The following ANO3 variants were observed in gnomAD, a reference collection of about 807,000 sequenced individuals.
ANO3 encodes anoctamin-3.
Under a neutral mutation model 144.8 loss-of-function variants are expected in ANO3, and 99 were observed. That is an observed-to-expected ratio of 0.68 (90% confidence interval 0.58 to 0.81). The LOEUF (loss-of-function observed/expected upper bound fraction) is 0.81. Ranked by LOEUF, ANO3 falls within the 30% of genes least tolerant of loss-of-function variation. ANO3 has a pLI of 0.00. For synonymous variants in ANO3, 414 were observed against 392.6 expected, an observed-to-expected ratio of 1.05 and a Z score of -0.64; for missense variants, 905 against 1,202.2, an observed-to-expected ratio of 0.75 and a Z score of 3.66.
At chr11:26,527,775 A>G (rs559186) in intron 7 of ANO3, among the ~76,000 whole-genome samples, 6,772 of 152,200 alleles carry the variant, frequency 0.044, 458 homozygotes, top group African/African-American at 0.15. Flanking sequence ...TTTTTTATTC[A>G]GAAAGCATTT....
At chr11:26,507,644 T>G (rs1260442224) in intron 4 of ANO3, among the ~76,000 whole-genome samples, 1 of 152,208 alleles carries the variant, frequency 6.6e-6, no homozygotes, top group Admixed American at 6.5e-5. Flanking sequence ...CTCTAAGCCT[T>G]AGTGTCTTTA....
rs897100996 is a variant in ANO3, at chr11:26,503,134, G to A, written c.433-4970G>A. ...TTATTTTCAAACTGTTTAAAGATTA[G>A]GTAGATACCTGATGAATGAACTGCA... On this transcript the variant is annotated intron_variant, in intron 4 of 26. Transcript: ENST00000256737. Among the ~76,000 whole-genome samples the A allele has an allele frequency of 3.9e-5, 6 of 152,066 alleles. No homozygotes were observed. The South Asian group carries it at 8.3e-4, about 21-fold the overall frequency.
intron 1 of ANO3, among the ~76,000 whole-genome samples, chr11:26,421,217 T>C (rs1256959556): frequency 6.6e-6 from 1 of 152,060 alleles, no homozygotes; most frequent in Non-Finnish European, 1.5e-5. Context: ...AAATACATAA[T>C]TATTTTTATC....
intron 1 of ANO3, among the ~76,000 whole-genome samples, chr11:26,430,132 A>T (rs1297157181): frequency 6.6e-6 from 1 of 152,144 alleles, no homozygotes; most frequent in East Asian, 1.9e-4. Flanking sequence ...ATGATGATAC[A>T]TAACTGTAAT....
At chr11:26,470,411 C>T (rs1239120211) in intron 4 of ANO3, among the ~76,000 whole-genome samples, 1 of 147,250 alleles carries the variant, frequency 6.8e-6, no homozygotes, top group African/African-American at 2.5e-5. Flanking sequence ...GAGGGAGACC[C>T]TCTCAAAAAA....
At chr11:26,318,227 T>G (rs1854674365) in intron 1 of ANO3, among the ~76,000 whole-genome samples, 1 of 152,186 alleles carries the variant, frequency 6.6e-6, no homozygotes, top group African/African-American at 2.4e-5. Flanking sequence ...CTGCATGTTC[T>G]GCACATGTAC....
At chr11:26,482,636 G>A (rs1860268368) in intron 4 of ANO3, among the ~76,000 whole-genome samples, 1 of 151,940 alleles carries the variant, frequency 6.6e-6, no homozygotes, top group Admixed American at 6.6e-5. Context: ...TAGATTTAAG[G>A]GGTACAAGAG....
At chr11:26,344,324 A>G (rs943070231) in intron 1 of ANO3, among the ~76,000 whole-genome samples, 11 of 151,948 alleles carry the variant, frequency 7.2e-5, no homozygotes, top group African/African-American at 2.7e-4. Context: ...AGAAATTGTG[A>G]GTGAAACAGT....
At chr11:26,633,130 C>T (rs775852745) in intron 18 of ANO3, among the ~76,000 whole-genome samples, 16 of 152,048 alleles carry the variant, frequency 1.1e-4, no homozygotes, top group Non-Finnish European at 1.8e-4. Context: ...AAATGAGATC[C>T]TATCTATTTT....
intron 14 of ANO3, among the ~76,000 whole-genome samples, chr11:26,573,097 T>C (rs781221506): frequency 1.8e-4 from 28 of 152,168 alleles, no homozygotes; most frequent in Non-Finnish European, 3.8e-4. Context: ...CAGCTCAATA[T>C]GCCTGAGGTT....
chr11:26,429,958 C>T (rs1858030840), intron 1 of ANO3, among the ~76,000 whole-genome samples: 1 of 152,082 alleles, frequency 6.6e-6, no homozygotes. Context: ...AAAGTACTGG[C>T]CAGGCACGGG....
intron 14 of ANO3, among the ~76,000 whole-genome samples, chr11:26,564,726 CACACACATATATATATATATATAT>C (rs1312085425): frequency 1.1e-3 from 52 of 49,316 alleles, no homozygotes; most frequent in African/African-American, 1.3e-3. Flanking sequence ...CACACACACA[CACACACATATATATATATATATAT>C]ATATATATAT....
intron 1 of ANO3, among the ~76,000 whole-genome samples, chr11:26,201,939 T>C (rs895590973): frequency 2.6e-5 from 4 of 151,488 alleles, no homozygotes; most frequent in Non-Finnish European, 5.9e-5. Flanking sequence ...TAAAAACCTA[T>C]TACAGTTGTA....
intron 4 of ANO3, among the ~76,000 whole-genome samples, chr11:26,474,902 G>A (rs1024829360): frequency 6.6e-6 from 1 of 151,710 alleles, no homozygotes; most frequent in Non-Finnish European, 1.5e-5. Flanking sequence ...CTACTCAAAT[G>A]TATTCTCTGT....
At chr11:26,600,944 G>A (rs1851785627) in intron 17 of ANO3, among the ~76,000 whole-genome samples, 1 of 152,050 alleles carries the variant, frequency 6.6e-6, no homozygotes, top group East Asian at 1.9e-4. Context: ...CATGGTTAAT[G>A]GGACAAGAGT....
chr11:26,444,767 T>C (rs551276942), intron 3 of ANO3, among the ~76,000 whole-genome samples: 1 of 152,334 alleles, frequency 6.6e-6, no homozygotes, highest in African/African-American at 2.4e-5. Flanking sequence ...CTTTTAAAAC[T>C]ATGAATTTTG....
At chr11:26,412,795 A>AGTGTGTGTATGT (rs1857466551) in intron 1 of ANO3, among the ~76,000 whole-genome samples, 2 of 140,130 alleles carry the variant, frequency 1.4e-5, no homozygotes, top group Admixed American at 1.5e-4. Context: ...GAGAAAGGAA[A>AGTGTGTGTATGT]GTGTGTGTGT....
intron 1 of ANO3, among the ~76,000 whole-genome samples, chr11:26,417,181 T>C (rs1857614497): frequency 6.6e-6 from 1 of 152,076 alleles, no homozygotes; most frequent in Admixed American, 6.6e-5. Flanking sequence ...AGCAAAAGCT[T>C]AGACAACTAA....
intron 1 of ANO3, among the ~76,000 whole-genome samples, chr11:26,395,709 T>A (rs10767523): frequency 0.26 from 40,200 of 151,846 alleles, 5,933 homozygotes; most frequent in African/African-American, 0.4. Flanking sequence ...ATACCCTATT[T>A]AATAAATGGT....
Sources: gnomAD v4.1 joint callset for allele counts (sites outside exome capture counted in the v4.1 genomes callset) on GRCh38, gnomAD v4.1.1 for gene constraint, MANE v1.5 for transcripts, NCBI Gene and HGNC (gene_info 2026-07-23, HGNC 2026-07-21) for gene names.